IMPG1: variants seen among roughly 807,000 people sequenced by gnomAD.
IMPG1 encodes interphotoreceptor matrix proteoglycan of 150 kDa.
A neutral mutation model predicts 92.0 loss-of-function variants in IMPG1; 85 were observed. The ratio of observed to expected loss-of-function variants is 0.92; its 90% CI spans 0.78 to 1.11. The LOEUF is 1.11. Among genes scored for constraint, IMPG1 ranks in the 50% least tolerant of loss-of-function variants. The pLI, the probability that IMPG1 is intolerant of heterozygous loss-of-function variation, is 0.00. For missense variants in IMPG1, 1,022 were observed against 956.0 expected (o/e 1.07, Z -0.91); for synonymous variants, 367 against 334.1 (o/e 1.10, Z -1.08).
rs554180317 is a variant in IMPG1 at position 76,034,606 on chromosome 6, G to A, written c.468+15C>T. 10 of 1,613,332 alleles carry A rather than the reference G, an allele frequency of 6.2e-6. No homozygotes were observed. In the South Asian group the frequency reaches 1.1e-4, roughly 18 times the overall value. The stretch of plus-strand genomic sequence containing the variant: ...CGTGCAGTGTTCCAAATAACCATGT[G>A]GTGTTTAGGCTCACCTGCTGGAGAA... On this transcript the variant is annotated intron_variant, in intron 3 of 16. Coordinates refer to ENST00000369950, the MANE Select transcript of IMPG1 (RefSeq NM_001563.4).
chr6:75,973,169 G>A (rs912971211), intron 12 of IMPG1, among the ~76,000 whole-genome samples: 2 of 149,398 alleles, frequency 1.3e-5, no homozygotes, highest in Non-Finnish European at 2.9e-5. Flanking sequence ...TTGTAAAGAC[G>A]GGTTCTCACT....
At chr6:76,045,200 A>G (rs1417469694) in intron 1 of IMPG1, among the ~76,000 whole-genome samples, 1 of 152,200 alleles carries the variant, frequency 6.6e-6, no homozygotes, top group East Asian at 1.9e-4. Context: ...GCTGGAGAAG[A>G]CCCAAGACAA....
chr6:75,945,276 A>G (rs756698760), intron 14 of IMPG1, among the ~76,000 whole-genome samples: 2 of 152,078 alleles, frequency 1.3e-5, no homozygotes, highest in Non-Finnish European at 2.9e-5. Flanking sequence ...GTCAAGTGCT[A>G]TATTAAGTAT....
chr6:75,953,481 C>T (rs1401998766), intron 12 of IMPG1, among the ~76,000 whole-genome samples: 1 of 151,862 alleles, frequency 6.6e-6, no homozygotes, highest in African/African-American at 2.4e-5. Flanking sequence ...TGTTCAACTC[C>T]CACTTATGAG....
At chr6:76,030,626 T>A (rs995964384) in intron 4 of IMPG1, among the ~76,000 whole-genome samples, 2 of 152,048 alleles carry the variant, frequency 1.3e-5, no homozygotes, top group Non-Finnish European at 2.9e-5. Flanking sequence ...AAGCCCAACA[T>A]GCTGGCAAAA....
At chr6:75,990,664 A>T (rs1158971445) in intron 12 of IMPG1, among the ~76,000 whole-genome samples, 1 of 152,030 alleles carries the variant, frequency 6.6e-6, no homozygotes, top group East Asian at 1.9e-4. Flanking sequence ...TTAAGGTCAG[A>T]TGGATGATGT....
At chr6:75,943,721 A>G (rs1245087052) in intron 14 of IMPG1, among the ~76,000 whole-genome samples, 1 of 152,164 alleles carries the variant, frequency 6.6e-6, no homozygotes, top group Non-Finnish European at 1.5e-5. Context: ...AGGCTGTCTC[A>G]TTGACCAGCC....
At chr6:76,070,564 C>T (rs1237140221) in intron 1 of IMPG1, among the ~76,000 whole-genome samples, 1 of 152,018 alleles carries the variant, frequency 6.6e-6, no homozygotes, top group Non-Finnish European at 1.5e-5. Flanking sequence ...GGGAATCAAC[C>T]CTAGTGAACG....
intron 1 of IMPG1, among the ~76,000 whole-genome samples, chr6:76,068,876 C>T (rs1052209549): frequency 6.6e-6 from 1 of 151,880 alleles, no homozygotes; most frequent in Non-Finnish European, 1.5e-5. Flanking sequence ...AATATCAATG[C>T]TATTTTTCAC....
chr6:75,936,080 G>C (rs1176685952), intron 14 of IMPG1, among the ~76,000 whole-genome samples: 3 of 152,228 alleles, frequency 2.0e-5, no homozygotes, highest in Admixed American at 2.0e-4. Flanking sequence ...CTGCTCATCT[G>C]TTCTACCAGT....
At chr6:75,977,456 G>A (rs138383435) in intron 12 of IMPG1, among the ~76,000 whole-genome samples, 6,975 of 151,724 alleles carry the variant, frequency 0.046, 447 homozygotes, top group African/African-American at 0.14. Context: ...GCCTGGTGGT[G>A]CACACCTGTA....
chr6:75,979,889 C>T (rs1322371673), intron 12 of IMPG1, among the ~76,000 whole-genome samples: 3 of 152,012 alleles, frequency 2.0e-5, no homozygotes, highest in Non-Finnish European at 2.9e-5. Flanking sequence ...CTTTGTGAGG[C>T]TAATGCTGAA....
chr6:75,947,285 C>T, intron 14 of IMPG1, 29 bp downstream of exon 14: 1 of 1,535,282 alleles, frequency 6.5e-7, no homozygotes, highest in Non-Finnish European at 9.0e-7. Flanking sequence ...CAAAACATCT[C>T]TACCACTTTC....
intron 4 of IMPG1, among the ~76,000 whole-genome samples, chr6:76,026,165 C>T (rs556941737): frequency 5.3e-5 from 8 of 152,180 alleles, no homozygotes; most frequent in Non-Finnish European, 1.0e-4. Context: ...CCCTATTTTC[C>T]CCTTTTCTTC....
intron 16 of IMPG1, among the ~76,000 whole-genome samples, chr6:75,922,437 C>A (rs1391116505): frequency 6.6e-6 from 1 of 152,146 alleles, no homozygotes; most frequent in African/African-American, 2.4e-5. Flanking sequence ...CACCATTTTC[C>A]CATCCAACCA....
chr6:76,019,980 AT>A (rs1420998698), intron 6 of IMPG1, among the ~76,000 whole-genome samples: 1 of 152,108 alleles, frequency 6.6e-6, no homozygotes, highest in Non-Finnish European at 1.5e-5. Flanking sequence ...ATGGTCAACA[AT>A]TTTTTCCAAC....
chr6:75,946,213 G>A (rs1204198089), intron 14 of IMPG1, among the ~76,000 whole-genome samples: 1 of 152,194 alleles, frequency 6.6e-6, no homozygotes, highest in Non-Finnish European at 1.5e-5. Flanking sequence ...AGTGCTCCCA[G>A]GCTCAATGCC....
intron 12 of IMPG1, among the ~76,000 whole-genome samples, chr6:75,973,431 A>G (rs766442576): frequency 2.4e-4 from 37 of 152,240 alleles, no homozygotes; most frequent in Admixed American, 1.4e-3. Context: ...ACAAATATTT[A>G]TTGCCTGTTG....
At chr6:76,049,506 T>C (rs997255564) in intron 1 of IMPG1, among the ~76,000 whole-genome samples, 1 of 152,158 alleles carries the variant, frequency 6.6e-6, no homozygotes, top group African/African-American at 2.4e-5. Flanking sequence ...CTTTATATTT[T>C]AGTATTTGTG....
Sources: allele counts gnomAD v4.1 joint callset (sites outside exome capture counted in the v4.1 genomes callset), GRCh38; gene constraint gnomAD v4.1.1; transcripts MANE v1.5; gene names NCBI Gene and HGNC (gene_info 2026-07-23, HGNC 2026-07-21).